The following GPHN variants were observed in gnomAD, a reference collection of about 807,000 sequenced individuals.
GPHN encodes gephyrin.
Under a neutral mutation model 95.5 loss-of-function variants are expected in GPHN, and 17 were observed. The observed-to-expected ratio is 0.18, with a 90% CI of 0.12 to 0.27. The LOEUF is 0.27. Ranked by LOEUF, GPHN falls within the 10% of genes least tolerant of loss-of-function variation. The pLI, the probability that GPHN is intolerant of heterozygous loss-of-function variation, is 1.00. For missense variants in GPHN, 660 were observed against 978.1 expected (o/e 0.67, Z 4.34); for synonymous variants, 320 against 322.5 (o/e 0.99, Z 0.08).
At chr14:67,701,109 A>G in the GPHN span, among the ~76,000 whole-genome samples, 2 of 151,874 alleles carry the variant, frequency 1.3e-5, no homozygotes, top group African/African-American at 4.8e-5. Context: ...AACCAAGAAA[A>G]ACATGTATCT....
chr14:67,362,395 A>G, the GPHN span, among the ~76,000 whole-genome samples: 1 of 152,204 alleles, frequency 6.6e-6, no homozygotes, highest in Non-Finnish European at 1.5e-5. Context: ...ACAAATTATT[A>G]TATTACAAAA....
At chr14:67,089,765 T>C (rs1310736984) in intron 12 of GPHN, among the ~76,000 whole-genome samples, 1 of 152,158 alleles carries the variant, frequency 6.6e-6, no homozygotes, top group African/African-American at 2.4e-5. Context: ...ACATCATATT[T>C]CAAAATTCTG....
chr14:67,646,967 A>G, the GPHN span: 1 of 1,612,770 alleles, frequency 6.2e-7, no homozygotes, highest in Non-Finnish European at 8.5e-7. Context: ...CATGAGAGAT[A>G]TTGATCGACT....
chr14:67,012,641 A>G (rs2073075516), intron 9 of GPHN, among the ~76,000 whole-genome samples: 1 of 152,146 alleles, frequency 6.6e-6, no homozygotes, highest in African/African-American at 2.4e-5. Context: ...TACCAGAAAA[A>G]CATGTATTTG....
At chr14:67,635,534 G>T in the GPHN span, among the ~76,000 whole-genome samples, 24 of 152,162 alleles carry the variant, frequency 1.6e-4, no homozygotes, top group Non-Finnish European at 8.8e-5. Flanking sequence ...CTTGTTCTAA[G>T]AATTAGCAGT....
chr14:66,604,081 A>G (rs2062391705), intron 1 of GPHN, among the ~76,000 whole-genome samples: 6 of 152,110 alleles, frequency 3.9e-5, no homozygotes, highest in Admixed American at 3.9e-4. Context: ...TTCTCATAAC[A>G]TTGCATGAAC....
the GPHN span, among the ~76,000 whole-genome samples, chr14:67,416,317 A>G: frequency 1.3e-5 from 2 of 152,212 alleles, no homozygotes; most frequent in Non-Finnish European, 2.9e-5. Flanking sequence ...GGGGACGGCC[A>G]GCTAGAGGGA....
At chr14:67,261,337 A>G in the GPHN span, among the ~76,000 whole-genome samples, 3 of 152,152 alleles carry the variant, frequency 2.0e-5, no homozygotes, top group Non-Finnish European at 4.4e-5. Flanking sequence ...GAGATAATGT[A>G]TATTATGATT....
chr14:67,342,015 C>T, the GPHN span, among the ~76,000 whole-genome samples: 1 of 151,528 alleles, frequency 6.6e-6, no homozygotes. Flanking sequence ...TCACCACTCC[C>T]TAATCTCAAG....
At chr14:67,208,102 C>G in the GPHN span, 1 of 1,502,518 alleles carries the variant, frequency 6.7e-7, no homozygotes, top group African/African-American at 1.4e-5. Flanking sequence ...TGCTCAGTGA[C>G]GATGAATGAA....
In GPHN at chr14:67,070,715, A is replaced by AAAAAAAAATATATATATATATAT; in HGVS notation, c.1144+11930_1144+11931insAAAAAAATATATATATATATATA. On this transcript the variant is annotated intron_variant, in intron 11 of 22. Transcript: ENST00000478722. Reference sequence around the variant, plus strand: ...ATCTCAAAAAAAAAAAAAAAAAAAAAATATATATATATATCCAATCAGCAT... The same window carrying AAAAAAAAATATATATATATATAT: ...ATCTCAAAAAAAAAAAAAAAAAAAAAAAAAAAAATATATATATATATATATATATATATATATCCAATCAGCAT... Among the ~76,000 whole-genome samples, 141 of 80,442 alleles carry AAAAAAAAATATATATATATATAT rather than the reference A, an allele frequency of 1.8e-3. 1 individual carries two copies. Among genetic ancestry groups the AAAAAAAAATATATATATATATAT allele is most frequent in the African/African-American group, 0.015 (118 of 7,762 alleles). The allele number at this position is 80,442 out of a possible 152,430, so 52.8% of individuals were successfully genotyped here.
At chr14:67,175,602 C>T (rs1595498659) in intron 21 of GPHN, among the ~76,000 whole-genome samples, 2 of 152,076 alleles carry the variant, frequency 1.3e-5, no homozygotes, top group Admixed American at 1.3e-4. Context: ...TAGTTTTTTC[C>T]AATTTTGTGA....
At chr14:67,153,759 C>T (rs1219712198) in intron 18 of GPHN, among the ~76,000 whole-genome samples, 2 of 152,206 alleles carry the variant, frequency 1.3e-5, no homozygotes, top group African/African-American at 4.8e-5. Flanking sequence ...TTTCTCCTTA[C>T]CTGAGTTGAA....
chr14:67,103,213 G>A (rs2077823035), intron 13 of GPHN, among the ~76,000 whole-genome samples: 1 of 152,220 alleles, frequency 6.6e-6, no homozygotes, highest in South Asian at 2.1e-4. Flanking sequence ...TGATCCATTG[G>A]TCAATGTATC....
the GPHN span, chr14:67,578,308 G>A: frequency 4.1e-6 from 4 of 967,076 alleles, no homozygotes; most frequent in Non-Finnish European, 6.4e-6. The surrounding 1 kb of genome is among the most constrained non-coding windows in gnomAD (Gnocchi z 5.0). Context: ...CCAGCCAGCG[G>A]GCAGCCTCTG....
chr14:67,483,015 G>GT, the GPHN span, among the ~76,000 whole-genome samples: 7 of 152,006 alleles, frequency 4.6e-5, no homozygotes, highest in African/African-American at 1.7e-4. Context: ...TTTTTTGTTT[G>GT]TTTTTTGTTT....
chr14:67,620,733 G>C, the GPHN span, among the ~76,000 whole-genome samples: 1 of 152,120 alleles, frequency 6.6e-6, no homozygotes. Context: ...GGCTTGGGCA[G>C]CTGATGTGAT....
the GPHN span, among the ~76,000 whole-genome samples, chr14:67,392,055 AGTT>A: frequency 8.5e-5 from 13 of 152,224 alleles, no homozygotes; most frequent in East Asian, 2.3e-3. Flanking sequence ...ATTGTGTAGA[AGTT>A]GTTTTTTGAT....
the GPHN span, among the ~76,000 whole-genome samples, chr14:67,372,566 C>T: frequency 6.6e-6 from 1 of 152,068 alleles, no homozygotes; most frequent in Non-Finnish European, 1.5e-5. Flanking sequence ...AGCGGTGGCT[C>T]ACGCCTGTTA....
Sources: allele counts gnomAD v4.1 joint callset (sites outside exome capture counted in the v4.1 genomes callset), GRCh38; gene constraint gnomAD v4.1.1; non-coding constraint Gnocchi (gnomAD v3.1); transcripts MANE v1.5; gene names NCBI Gene and HGNC (gene_info 2026-07-23, HGNC 2026-07-21).